Variants in IPCEF1 observed in about 807,000 individuals in gnomAD.
The protein encoded by IPCEF1 is interaction protein for cytohesin exchange factors 1, also known as interactor protein for cytohesin exchange factors 1.
Under a neutral mutation model 50.9 loss-of-function variants are expected in IPCEF1, and 31 were observed. The observed-to-expected ratio is 0.61, with a 90% confidence interval of 0.46 to 0.82. IPCEF1 has a LOEUF of 0.82. Ranked by LOEUF, IPCEF1 falls within the 40% of genes least tolerant of loss-of-function variation. The probability of loss-of-function intolerance (pLI) is 0.00; values close to 1 mark genes in which losing one functional copy is unlikely to be tolerated. For missense variants in IPCEF1, 458 were observed against 514.0 expected (o/e 0.89, Z 1.05); for synonymous variants, 181 against 192.0 (o/e 0.94, Z 0.47).
intron 10 of IPCEF1, among the ~76,000 whole-genome samples, chr6:154,186,155 G>C (rs991538641): frequency 6.6e-6 from 1 of 152,178 alleles, no homozygotes; most frequent in Non-Finnish European, 1.5e-5. Context: ...GCCCTCTGCT[G>C]AAGTCCAGAC....
chr6:154,248,511 T>C (rs1368819638), intron 3 of IPCEF1, among the ~76,000 whole-genome samples: 1 of 152,206 alleles, frequency 6.6e-6, no homozygotes, highest in Admixed American at 6.5e-5. Context: ...GTATGTAATC[T>C]TAGTACAGCA....
intron 10 of IPCEF1, among the ~76,000 whole-genome samples, chr6:154,186,987 G>A (rs1036488799): frequency 2.0e-5 from 3 of 151,956 alleles, no homozygotes; most frequent in African/African-American, 7.3e-5. Context: ...TACATGATGG[G>A]ATCCCTGCCC....
chr6:154,296,595 C>T (rs564847643), intron 1 of IPCEF1, among the ~76,000 whole-genome samples: 10 of 151,914 alleles, frequency 6.6e-5, no homozygotes, highest in African/African-American at 9.7e-5. Flanking sequence ...TTTGGGAGGC[C>T]GAGGAGGGCA....
At chr6:154,305,086 C>G (rs375473624) in intron 1 of IPCEF1, among the ~76,000 whole-genome samples, 1 of 151,342 alleles carries the variant, frequency 6.6e-6, no homozygotes, top group Admixed American at 6.6e-5. Context: ...TGCACTTCAG[C>G]CTGGGCAACA....
chr6:154,317,710 G>C (rs11963018), intron 1 of IPCEF1, among the ~76,000 whole-genome samples: 12,463 of 151,920 alleles, frequency 0.082, 1,076 homozygotes, highest in African/African-American at 0.22. Flanking sequence ...ACTATAATGG[G>C]AAAAGTCAGA....
At chr6:154,236,564 T>G (rs1780153018) in intron 5 of IPCEF1, among the ~76,000 whole-genome samples, 1 of 152,222 alleles carries the variant, frequency 6.6e-6, no homozygotes, top group African/African-American at 2.4e-5. Context: ...TAAAAAACAT[T>G]TAATTTTAAA....
At chr6:154,260,770 C>T (rs555607983) in intron 3 of IPCEF1, among the ~76,000 whole-genome samples, 3 of 151,756 alleles carry the variant, frequency 2.0e-5, no homozygotes, top group East Asian at 3.9e-4. Flanking sequence ...CATGCCCAGC[C>T]GACCAGAGAA....
chr6:154,193,358 G>A (rs543049708), intron 10 of IPCEF1, among the ~76,000 whole-genome samples: 1 of 152,248 alleles, frequency 6.6e-6, no homozygotes, highest in Non-Finnish European at 1.5e-5. Context: ...TGGGGACTCG[G>A]GGGAAAGGAT....
intron 1 of IPCEF1, among the ~76,000 whole-genome samples, chr6:154,318,473 C>T (rs1783282233): frequency 6.6e-6 from 1 of 151,842 alleles, no homozygotes; most frequent in Admixed American, 6.6e-5. Flanking sequence ...AAGGATAAGC[C>T]CCAGATTGGG....
rs777570232 is a variant in IPCEF1 at position 154,199,828 on chromosome 6, G to C, written c.750C>G (p.Pro250=). The C allele has an allele frequency of 1.2e-6, 2 of 1,614,186 alleles. No individual in the cohort carries two copies. The highest frequency in any genetic ancestry group is 2.2e-5 in the South Asian group (2 of 91,082). ...GGGCCTTGTGGATGCCTGCCTCTGA[G>C]GGTACAGGTGAATGAACTTGCACAG... ...TFAVQVHSPV[P]SEAGIHKALE... Residue 250 remains proline, a synonymous_variant, in exon 10 of 12, where the codon CCC becomes CCG. Coordinates refer to ENST00000367220, the MANE Select transcript of IPCEF1 (RefSeq NM_001130700.2).
rs756887247 is a variant in IPCEF1 at position 154,168,306 on chromosome 6, G to T, written c.911-193C>A. Among the ~76,000 whole-genome samples, 1 of 152,108 alleles carries T rather than the reference G, an allele frequency of 6.6e-6. No individual in the cohort carries two copies. Among genetic ancestry groups the T allele is most frequent in the African/African-American group, 2.4e-5 (1 of 41,424 alleles). Reference sequence around the variant, plus strand: ...CGATACTTTGTTACTGCAGAGCCACGTTCCCTGTGAAGGCACCAGGGAAGG... The same window carrying T: ...CGATACTTTGTTACTGCAGAGCCACTTTCCCTGTGAAGGCACCAGGGAAGG... On this transcript the variant is annotated intron_variant, in intron 10 of 11. Coordinates refer to ENST00000367220, the MANE Select transcript of IPCEF1 (RefSeq NM_001130700.2). The surrounding 1 kb of genome is among the most constrained non-coding windows in gnomAD (Gnocchi z 4.1).
chr6:154,162,727 C>A (rs1050261422), intron 11 of IPCEF1, among the ~76,000 whole-genome samples: 2 of 152,094 alleles, frequency 1.3e-5, no homozygotes, highest in Non-Finnish European at 2.9e-5. Flanking sequence ...TGTTGGTAAT[C>A]ACAAGAAATC....
intron 10 of IPCEF1, among the ~76,000 whole-genome samples, chr6:154,193,765 G>A (rs1802142015): frequency 6.6e-6 from 1 of 152,204 alleles, no homozygotes; most frequent in Admixed American, 6.5e-5. Context: ...AGAGGCCTGT[G>A]ACAGGTCACT....
At chr6:154,326,553 A>C (rs1783524307) in intron 1 of IPCEF1, among the ~76,000 whole-genome samples, 1 of 152,212 alleles carries the variant, frequency 6.6e-6, no homozygotes, top group Admixed American at 6.5e-5. Context: ...CACTGCTCAA[A>C]GAAATCAGAG....
At chr6:154,274,216 T>C (rs956684148) in intron 2 of IPCEF1, among the ~76,000 whole-genome samples, 1 of 152,210 alleles carries the variant, frequency 6.6e-6, no homozygotes, top group Admixed American at 6.5e-5. Context: ...TCTCTCCACT[T>C]TGATGATGAA....
In IPCEF1 at chr6:154,168,069, T is replaced by C. The variant is rs1372788348; in HGVS notation, c.955A>G (p.Lys319Glu). 1 of 1,593,632 alleles carries C rather than the reference T, an allele frequency of 6.3e-7. No individual in the cohort carries two copies. Among genetic ancestry groups the C allele is most frequent in the Non-Finnish European group, 8.6e-7 (1 of 1,165,676 alleles). Residue 319 changes from lysine to glutamate, a missense_variant, in exon 11 of 12, where the codon AAA becomes GAA. Transcript: ENST00000367220. This position sits in a 1 kb window ranked among gnomAD's most constrained non-coding sequence, Gnocchi z 4.1. Reference sequence around the variant, plus strand: ...GATAGACTAGCTTGCTCTAATGATTTGTACAGCTTCTCCATTTCATCATCT... The same window carrying C: ...GATAGACTAGCTTGCTCTAATGATTCGTACAGCTTCTCCATTTCATCATCT... ...SEDDEMEKLYKSLEQASLSPL... is the reference protein window; with the variant it reads ...SEDDEMEKLYESLEQASLSPL...
At chr6:154,331,234 C>T (rs1019768831) in intron 1 of IPCEF1, among the ~76,000 whole-genome samples, 5 of 151,386 alleles carry the variant, frequency 3.3e-5, no homozygotes, top group Non-Finnish European at 7.4e-5. Context: ...CACTGCTGCA[C>T]TCCAGCTGGG....
chr6:154,355,919 C>G (rs1293179444), intron 1 of IPCEF1, among the ~76,000 whole-genome samples: 2 of 151,988 alleles, frequency 1.3e-5, no homozygotes, highest in African/African-American at 2.4e-5. Flanking sequence ...ACCCAAAGTA[C>G]TGGGATTACA....
chr6:154,313,067 C>CAAAAAAAAAAAAAAAAAAAAAA (rs71021040), intron 1 of IPCEF1, among the ~76,000 whole-genome samples: 3 of 59,062 alleles, frequency 5.1e-5, no homozygotes, highest in African/African-American at 2.1e-4. Context: ...GGCCCTGTCT[C>CAAAAAAAAAAAAAAAAAAAAAA]AAAAAAAAAA....
Sources: gnomAD v4.1 joint callset for allele counts (sites outside exome capture counted in the v4.1 genomes callset) on GRCh38, gnomAD v4.1.1 for gene constraint, Gnocchi (gnomAD v3.1) non-coding constraint, MANE v1.5 for transcripts, NCBI Gene and HGNC (gene_info 2026-07-23, HGNC 2026-07-21) for gene names.